Variants in SLC71A1 observed in about 807,000 individuals in gnomAD.
SLC71A1 encodes the protein hippocampus abundant gene transcript 1.
At chr1:100,072,506 C>T in the SLC71A1 span, among the ~76,000 whole-genome samples, 12 of 151,784 alleles carry the variant, frequency 7.9e-5, 1 homozygote, top group Admixed American at 3.3e-4. Context: ...ATATCATATT[C>T]ATTTTTGTCA....
the SLC71A1 span, chr1:100,062,011 T>C: frequency 2.0e-6 from 2 of 1,006,546 alleles, no homozygotes; most frequent in South Asian, 2.8e-5. Flanking sequence ...TTAAGATAAA[T>C]ATTATTATAA....
chr1:100,068,230 A>T, the SLC71A1 span: 1 of 1,526,498 alleles, frequency 6.6e-7, no homozygotes, highest in African/African-American at 1.4e-5. Context: ...CTTGATAAAA[A>T]AGTGCATGAT....
At chr1:100,061,402 A>C in the SLC71A1 span, among the ~76,000 whole-genome samples, 37 of 152,220 alleles carry the variant, frequency 2.4e-4, no homozygotes, top group Admixed American at 2.4e-3. Context: ...ACATTTAGTT[A>C]CTATATAGAG....
At chr1:100,059,971 T>A in the SLC71A1 span, 2 of 1,613,024 alleles carry the variant, frequency 1.2e-6, no homozygotes. Context: ...GTTTTTCACA[T>A]GTGCCCCAAT....
the SLC71A1 span, chr1:100,067,954 T>C: frequency 6.2e-7 from 1 of 1,602,428 alleles, no homozygotes; most frequent in East Asian, 2.2e-5. Flanking sequence ...GACTAATCTC[T>C]GTCTATCCTT....
At chr1:100,071,103 G>C in the SLC71A1 span, among the ~76,000 whole-genome samples, 1 of 151,916 alleles carries the variant, frequency 6.6e-6, no homozygotes, top group Non-Finnish European at 1.5e-5. Flanking sequence ...TGAGAAAAGT[G>C]CTTTTTAACT....
the SLC71A1 span, among the ~76,000 whole-genome samples, chr1:100,051,838 G>A: frequency 4.1e-4 from 63 of 152,292 alleles, no homozygotes; most frequent in African/African-American, 1.5e-3. Flanking sequence ...GTCCTTTAAT[G>A]TATTCAAAGT....
At chr1:100,080,799 G>A in the SLC71A1 span, 1 of 734,002 alleles carries the variant, frequency 1.4e-6, no homozygotes. Flanking sequence ...TTAAGGGACT[G>A]TGTTCTTCTA....
the SLC71A1 span, chr1:100,068,029 A>C: frequency 6.2e-7 from 1 of 1,614,180 alleles, no homozygotes; most frequent in Non-Finnish European, 8.5e-7. Context: ...ATTGGAGCTT[A>C]TCTTGGACGA....
At chr1:100,051,629 G>GGGT in the SLC71A1 span, among the ~76,000 whole-genome samples, 2 of 152,086 alleles carry the variant, frequency 1.3e-5, no homozygotes, top group Non-Finnish European at 2.9e-5. Flanking sequence ...TTTTTGTCAA[G>GGGT]GGTTACTGAA....
chr1:100,041,291 G>A, the SLC71A1 span, among the ~76,000 whole-genome samples: 4 of 152,146 alleles, frequency 2.6e-5, no homozygotes, highest in Non-Finnish European at 5.9e-5. Flanking sequence ...AACAGGCCAG[G>A]ATAAAGCTAA....
the SLC71A1 span, among the ~76,000 whole-genome samples, chr1:100,045,476 A>T: frequency 6.6e-5 from 10 of 152,236 alleles, no homozygotes; most frequent in Non-Finnish European, 7.4e-5. Flanking sequence ...TCCAATTTGC[A>T]TGCTCGTTAT....
At chr1:100,072,727 T>C in the SLC71A1 span, among the ~76,000 whole-genome samples, 1 of 152,174 alleles carries the variant, frequency 6.6e-6, no homozygotes, top group African/African-American at 2.4e-5. Flanking sequence ...GCCAAGTAGT[T>C]GCTGTCCCCT....
At chr1:100,040,804 T>C in the SLC71A1 span, among the ~76,000 whole-genome samples, 1 of 152,148 alleles carries the variant, frequency 6.6e-6, no homozygotes, top group Non-Finnish European at 1.5e-5. Context: ...TTTGATACTC[T>C]GTTGTTGTGT....
the SLC71A1 span, among the ~76,000 whole-genome samples, chr1:100,046,468 C>T: frequency 1.3e-4 from 20 of 152,152 alleles, 1 homozygote; most frequent in South Asian, 2.5e-3. Flanking sequence ...TCAGGTGATC[C>T]GCCCGCCTTG....
At chr1:100,065,744 C>A in the SLC71A1 span, among the ~76,000 whole-genome samples, 12 of 150,166 alleles carry the variant, frequency 8.0e-5, no homozygotes, top group African/African-American at 2.9e-4. Context: ...TTCCCCTTTT[C>A]TCTTCCCCTT....
the SLC71A1 span, among the ~76,000 whole-genome samples, chr1:100,074,027 G>A: frequency 1.3e-3 from 202 of 152,244 alleles, 2 homozygotes; most frequent in Non-Finnish European, 6.3e-4. Flanking sequence ...GGGTGCTGGG[G>A]ATATAAATGT....
At chr1:100,054,747 T>G in the SLC71A1 span, among the ~76,000 whole-genome samples, 1 of 152,240 alleles carries the variant, frequency 6.6e-6, no homozygotes, top group Non-Finnish European at 1.5e-5. Flanking sequence ...ATAAAATTTT[T>G]TGGAAAAGTG....
the SLC71A1 span, among the ~76,000 whole-genome samples, chr1:100,055,686 TATCC>T: frequency 6.6e-6 from 1 of 152,002 alleles, no homozygotes. Flanking sequence ...GTAAATGGGG[TATCC>T]ATCATTTCAA....
Sources: allele counts gnomAD v4.1 joint callset (sites outside exome capture counted in the v4.1 genomes callset), GRCh38; gene constraint gnomAD v4.1.1; transcripts MANE v1.5; gene names NCBI Gene and HGNC (gene_info 2026-07-23, HGNC 2026-07-21).